The following AP2A2 variants were observed in gnomAD, a reference collection of about 807,000 sequenced individuals.
AP2A2 encodes the protein AP-2 complex subunit alpha-2.
A neutral mutation model predicts 104.2 loss-of-function variants in AP2A2; 32 were observed. That is an observed-to-expected ratio of 0.31 (90% CI 0.23 to 0.41). The LOEUF (loss-of-function observed/expected upper bound fraction) is 0.41. AP2A2 is among the 10% of genes least tolerant of loss of function. The pLI is 1.00. For missense variants in AP2A2, 912 were observed against 1,261.0 expected (o/e 0.72, Z 4.19); for synonymous variants, 539 against 533.3 (o/e 1.01, Z -0.15).
At chr11:971,691 A>G (rs913234611) in intron 3 of AP2A2, among the ~76,000 whole-genome samples, 2 of 152,170 alleles carry the variant, frequency 1.3e-5, no homozygotes, top group Admixed American at 6.5e-5. Flanking sequence ...TCAGCCTCTC[A>G]GTGAAGGTTC....
rs1426464860 is a variant in AP2A2 at position 988,673 on chromosome 11, C to T, written c.1253C>T (p.Ser418Phe). The T allele has an allele frequency of 3.1e-6, 5 of 1,613,568 alleles. No homozygotes were observed. The highest frequency in any genetic ancestry group is 3.3e-5 in the Admixed American group (2 of 60,006). Residue 418 changes from serine (S) to phenylalanine (F), a missense_variant, in exon 10 of 22, where the codon TCC becomes TTC. This residue lies in a region of AP2A2 where 350 missense variants were observed against 487.0 expected (regional missense o/e 0.72). Transcript: ENST00000448903. The part of the protein sequence containing the change: ...MLSYLETADY[S>F]IREEIVLKVA... ...AGCTATCTGGAGACAGCTGACTACT[C>T]CATCCGAGAAGAGATTGTGAGTTCT...
Position 1,009,107 on chromosome 11 carries a change from G to A in AP2A2, c.2428G>A (p.Gly810Ser). Residue 810 changes from glycine (G) to serine (S), a missense_variant, in exon 19 of 22, where the codon GGC becomes AGC. Physicochemically the swap from Gly to Ser is moderately conservative, Grantham distance 56 (BLOSUM62 0). Around this residue, in one of 7 missense-constraint regions of AP2A2, gnomAD observed 239 missense variants for 329.8 expected, o/e 0.72. Coordinates refer to ENST00000448903, the MANE Select transcript of AP2A2 (RefSeq NM_012305.4). ...TGCTGCTGCTGCTGGCAGGTATGGG[G>A]GCACCTTCCAGAACGTGTCTGTGCA... ...PVLNIQFRYG[G>S]TFQNVSVQLP... 2 of 1,612,048 alleles carry A rather than the reference G, an allele frequency of 1.2e-6. No individual in the cohort carries two copies. The highest frequency in any genetic ancestry group is 1.3e-5 in the African/African-American group (1 of 74,992).
At chr11:977,065 T>C in intron 4 of AP2A2, 30 bp from the exon 5 acceptor site, 1 of 1,612,720 alleles carries the variant, frequency 6.2e-7, no homozygotes, top group South Asian at 1.1e-5. Context: ...TTCAGCCTGT[T>C]GCGAGTGACT....
intron 1 of AP2A2, among the ~76,000 whole-genome samples, chr11:958,082 A>G (rs576176441): frequency 2.0e-5 from 3 of 152,370 alleles, no homozygotes; most frequent in South Asian, 2.1e-4. Flanking sequence ...ATTTGGAGAC[A>G]GGGCTTTCAG....
chr11:979,035 GGGGCTGGGCCAA>G (rs1298161514), intron 5 of AP2A2, among the ~76,000 whole-genome samples: 1 of 152,040 alleles, frequency 6.6e-6, no homozygotes, highest in Non-Finnish European at 1.5e-5. Flanking sequence ...GAAGGGTTGG[GGGGCTGGGCCAA>G]GGGCTGGAGG....
chr11:980,692 G>A (rs1175773706), intron 5 of AP2A2, among the ~76,000 whole-genome samples: 1 of 152,254 alleles, frequency 6.6e-6, no homozygotes, highest in African/African-American at 2.4e-5. Flanking sequence ...TGGTGGTTGA[G>A]TGACTGCCAG....
intron 3 of AP2A2, 106 bp from the exon 4 acceptor site, chr11:971,956 C>T: frequency 1.7e-6 from 2 of 1,161,226 alleles, no homozygotes; most frequent in Non-Finnish European, 2.4e-6. Flanking sequence ...TGGGTGGTGC[C>T]TGGGCTGCTT....
chr11:1,008,242 G>A lies in AP2A2; in HGVS notation c.2420+107G>A, dbSNP rs555426480. ...TGTCCTTCCTGAGGGGACCCGGGGCGTGCGGGTGCTCACGGTGCATGGATG... is the reference window on the plus strand; with the variant it reads ...TGTCCTTCCTGAGGGGACCCGGGGCATGCGGGTGCTCACGGTGCATGGATG... On this transcript the variant is annotated intron_variant, in intron 18 of 21. Coordinates refer to ENST00000448903, the MANE Select transcript of AP2A2 (RefSeq NM_012305.4). 2,244 of 1,413,302 alleles carry A rather than the reference G, an allele frequency of 1.6e-3. 2 individuals carry two copies. Among genetic ancestry groups the A allele is most frequent in the Middle Eastern group, 2.0e-3 (8 of 4,044 alleles). The allele number at this position is 1,413,302 out of a possible 1,614,324, so 87.5% of individuals were successfully genotyped here.
intron 4 of AP2A2, among the ~76,000 whole-genome samples, chr11:975,392 T>A (rs1854988959): frequency 2.9e-5 from 2 of 69,488 alleles, no homozygotes; most frequent in African/African-American, 5.2e-5. Context: ...CCGACATTAG[T>A]GAGTAGCAGT....
chr11:993,696 C>T lies in AP2A2; in HGVS notation c.1551-58C>T, dbSNP rs558558469. ...CGCCGCCGTCCCCCCCCCGCGGGGG[C>T]GTGCTGCAGCCTGCGAGGGGACGAC... On this transcript the variant is annotated intron_variant, in intron 12 of 21. Transcript: ENST00000448903. The surrounding 1 kb of genome is among the most constrained non-coding windows in gnomAD (Gnocchi z 8.2). 235 of 1,359,610 alleles carry T rather than the reference C, an allele frequency of 1.7e-4. No homozygotes were observed. Among genetic ancestry groups the T allele is most frequent in the Non-Finnish European group, 1.8e-4 (174 of 992,948 alleles). 84.2% of individuals were successfully genotyped at this position (1,359,610 alleles called of 1,614,324 possible).
At position 988,532 on chromosome 11, in the gene AP2A2, C is replaced by G; in HGVS notation, c.1132-20C>G. ...TGTGCCTTGCTCCTGCGACCTCTTA[C>G]TCTGTGCCTTGTTCCCCAGACTGAG... is the stretch of plus-strand genomic sequence containing the variant. On this transcript the variant is annotated intron_variant, in intron 9 of 21. Coordinates refer to ENST00000448903, the MANE Select transcript of AP2A2 (RefSeq NM_012305.4). 1 of 1,607,740 alleles carries G rather than the reference C, an allele frequency of 6.2e-7. No homozygotes were observed. Among genetic ancestry groups the G allele is most frequent in the Non-Finnish European group, 8.5e-7 (1 of 1,179,286 alleles).
rs1164598007 is a variant in AP2A2 at position 1,011,781 on chromosome 11, C to T, written c.*1156C>T. ...ATGTGCTTGAGGGTTTTCACCCTGG[C>T]CCTCAGTTGCCTGCTGTGCGGGTCC... is the stretch of plus-strand genomic sequence containing the variant. On this transcript the variant is annotated 3_prime_UTR_variant, in exon 22 of 22. Transcript: ENST00000448903. 3.2e-6 allele frequency: 1 copy of T among 312,724 alleles called. No homozygotes were observed. Among genetic ancestry groups the T allele is most frequent in the African/African-American group, 2.2e-5 (1 of 45,586 alleles). The allele number at this position is 312,724 out of a possible 1,614,324, so 19.4% of individuals were successfully genotyped here.
intron 1 of AP2A2, among the ~76,000 whole-genome samples, chr11:933,317 A>G (rs1853349135): frequency 6.6e-6 from 1 of 152,222 alleles, no homozygotes; most frequent in African/African-American, 2.4e-5. Flanking sequence ...TTACCAGGCC[A>G]CATGATGTCC....
chr11:974,176 C>A (rs912875998), intron 4 of AP2A2, among the ~76,000 whole-genome samples: 2 of 150,648 alleles, frequency 1.3e-5, no homozygotes, highest in Non-Finnish European at 2.9e-5. Flanking sequence ...CTGAGTGGTC[C>A]CATGAAGGGA....
rs745462301 is a variant in AP2A2, at chr11:1,011,077, T to C, written c.*452T>C. 1.3e-5 allele frequency: 8 copies of C among 611,800 alleles called. No individual in the cohort carries two copies. Among genetic ancestry groups the C allele is most frequent in the Non-Finnish European group, 2.2e-5 (7 of 321,204 alleles). 37.9% of individuals were successfully genotyped at this position (611,800 alleles called of 1,614,324 possible). On this transcript the variant is annotated 3_prime_UTR_variant, in exon 22 of 22. Coordinates refer to ENST00000448903, the MANE Select transcript of AP2A2 (RefSeq NM_012305.4). ...CCTGGTGGCTGCACACCTGGCGTCG[T>C]CCTGGGCCCTTGGGAGGAGCACAGC...
intron 14 of AP2A2, 142 bp from the exon 15 acceptor site, chr11:1,000,290 A>T (rs1327289331): frequency 1.4e-6 from 1 of 729,026 alleles, no homozygotes; most frequent in Non-Finnish European, 2.3e-6. Flanking sequence ...TCACTCACTG[A>T]GTTGTGTGCC....
intron 14 of AP2A2, among the ~76,000 whole-genome samples, chr11:998,098 GGCGC>G: frequency 6.6e-6 from 1 of 152,348 alleles, no homozygotes; most frequent in South Asian, 2.1e-4. Context: ...AGTGTTGGCG[GGCGC>G]TGTCCCCGGC....
At chr11:981,111 G>A in intron 5 of AP2A2, 87 bp from the exon 6 acceptor site, 1 of 1,144,478 alleles carries the variant, frequency 8.7e-7, no homozygotes, top group Non-Finnish European at 1.2e-6. Context: ...TGTGCTGCTG[G>A]TTGGTTTAAG....
In AP2A2 at chr11:970,039, C is replaced by T. The variant is rs543583821; in HGVS notation, c.137-130C>T. 4.2e-6 allele frequency: 4 copies of T among 945,182 alleles called. No individual in the cohort carries two copies. The African/African-American group carries it at 6.6e-5, about 15-fold the overall frequency. The allele number at this position is 945,182 out of a possible 1,614,324, so 58.5% of individuals were successfully genotyped here. A position where few individuals can be genotyped will look rare whatever the true frequency, so the allele number is the denominator to read the frequency against. On this transcript the variant is annotated intron_variant, in intron 2 of 21. Transcript: ENST00000448903. ...TCAGCAGCGTCTGCACTGCACCTGC[C>T]TGGGCCCGGCCACCCCTCTCCTGGA... is the stretch of plus-strand genomic sequence containing the variant.
Sources: allele counts gnomAD v4.1 joint callset (sites outside exome capture counted in the v4.1 genomes callset), GRCh38; gene constraint gnomAD v4.1.1; regional missense constraint gnomAD v4.1.1; non-coding constraint Gnocchi (gnomAD v3.1); transcripts MANE v1.5; gene names NCBI Gene and HGNC (gene_info 2026-07-23, HGNC 2026-07-21).